Variants in FAAP20 observed in about 807,000 individuals in gnomAD.
The protein encoded by FAAP20 is Fanconi anemia core complex-associated protein 20.
In FAAP20, 12 loss-of-function variants were observed where a neutral mutation model predicts 16.2. The observed-to-expected ratio is 0.74, with a 90% confidence interval of 0.48 to 1.20. The LOEUF (loss-of-function observed/expected upper bound fraction) is 1.20. Ranked by LOEUF, FAAP20 falls within the 50% of genes most tolerant of loss-of-function variation. The pLI is 0.00. For synonymous variants in FAAP20, 141 were observed against 110.7 expected (o/e 1.27, Z -1.72); for missense variants, 288 against 245.8 (o/e 1.17, Z -1.15).
chr1:2,203,371 G>A (rs1243819178), upstream of FAAP20: 6 of 974,528 alleles, frequency 6.2e-6, no homozygotes, highest in Non-Finnish European at 6.1e-6. Context: ...CGCAGTCAGG[G>A]CCCACCCATG....
downstream of FAAP20, chr1:2,207,779 T>G (rs543347847): frequency 4.0e-3 from 604 of 152,570 alleles, 4 homozygotes; most frequent in Non-Finnish European, 6.3e-3. Context: ...GAGAGCTCTG[T>G]CCCGGCTCCA....
upstream of FAAP20, among the ~76,000 whole-genome samples, chr1:2,195,397 G>GCTGTGCC (rs1002059447): frequency 2.6e-5 from 4 of 152,204 alleles, no homozygotes; most frequent in African/African-American, 9.6e-5. Flanking sequence ...GCCACACTTG[G>GCTGTGCC]CTGTGCCCAG....
At chr1:2,185,760 T>G (rs1025448561), downstream of FAAP20, among the ~76,000 whole-genome samples, 1 of 152,168 alleles carries the variant, frequency 6.6e-6, no homozygotes, top group Non-Finnish European at 1.5e-5. Context: ...TCTGCACAAA[T>G]CATTTCTGAC....
At chr1:2,209,591 G>A (rs1290430640), downstream of FAAP20, among the ~76,000 whole-genome samples, 1 of 152,218 alleles carries the variant, frequency 6.6e-6, no homozygotes, top group Non-Finnish European at 1.5e-5. Context: ...TGGCTGACCA[G>A]AGCTCAGGCC....
downstream of FAAP20, among the ~76,000 whole-genome samples, chr1:2,189,011 G>GAAAAAAAAA (rs71578368): frequency 5.7e-5 from 6 of 105,848 alleles, no homozygotes; most frequent in Non-Finnish European, 9.8e-5. Flanking sequence ...TCTCAAAAAA[G>GAAAAAAAAA]AAAAAAAAAA....
downstream of FAAP20, chr1:2,186,120 G>A (rs552526038): frequency 1.8e-3 from 793 of 450,718 alleles, 2 homozygotes; most frequent in Non-Finnish European, 2.8e-3. Flanking sequence ...AGGGGGTCGC[G>A]CCACCTCATG....
At chr1:2,184,555 C>G (rs1385391304), downstream of FAAP20, 4 of 1,585,876 alleles carry the variant, frequency 2.5e-6, no homozygotes, top group Non-Finnish European at 3.5e-6. Context: ...CCGCGCGGAG[C>G]TGACCCTTCT....
downstream of FAAP20, chr1:2,185,112 A>G: frequency 3.5e-6 from 4 of 1,155,968 alleles, no homozygotes; most frequent in Non-Finnish European, 5.0e-6. Context: ...GAGGGCGGCC[A>G]GGGACAGACG....
upstream of FAAP20, chr1:2,199,482 A>G (rs1313211865): frequency 6.0e-6 from 6 of 993,784 alleles, no homozygotes; most frequent in Non-Finnish European, 7.2e-6. The surrounding 1 kb of genome is among the most constrained non-coding windows in gnomAD (Gnocchi z 4.5). Context: ...TGATTGGTCT[A>G]CCCAGGAGGG....
downstream of FAAP20, among the ~76,000 whole-genome samples, chr1:2,208,563 G>A (rs1168103376): frequency 6.6e-6 from 1 of 152,194 alleles, no homozygotes; most frequent in Non-Finnish European, 1.5e-5. Context: ...TGCAGCATCT[G>A]TGGGGCAGCT....
upstream of FAAP20, chr1:2,199,748 T>C: frequency 1.6e-6 from 1 of 607,316 alleles, no homozygotes; most frequent in Non-Finnish European, 2.1e-6. The surrounding 1 kb of genome is among the most constrained non-coding windows in gnomAD (Gnocchi z 4.5). Flanking sequence ...GGGTTAGGGT[T>C]GGCCCTGAAT....
downstream of FAAP20, chr1:2,187,157 C>T: frequency 2.1e-6 from 1 of 471,188 alleles, no homozygotes; most frequent in South Asian, 1.6e-5. Flanking sequence ...GTGGATGACA[C>T]TCACCCTTGA....
downstream of FAAP20, chr1:2,186,122 C>T: frequency 2.2e-6 from 1 of 451,276 alleles, no homozygotes; most frequent in Non-Finnish European, 4.5e-6. Context: ...GGGGTCGCGC[C>T]ACCTCATGCC....
chr1:2,193,855 A>C lies in FAAP20; in HGVS notation c.254T>G (p.Phe85Cys), dbSNP rs761815273. The C allele has an allele frequency of 6.2e-7, 1 of 1,612,266 alleles. No homozygotes were observed. Among genetic ancestry groups the C allele is most frequent in the South Asian group, 1.1e-5 (1 of 91,078 alleles). The part of the protein sequence containing the change: ...TEVFTVGPKT[F>C]SWTPFPPDLW... ...GTCCGGCGGAAAGGGTGTCCAGGAA[A>C]AGGTCTTGGGTCCGACAGTGAAGAC... Residue 85 changes from phenylalanine to cysteine, a missense_variant, in exon 3 of 4, where the codon TTT becomes TGT. Phe to Cys is a radical substitution (Grantham distance 205). Coordinates refer to ENST00000378546, the MANE Select transcript of FAAP20 (RefSeq NM_182533.4).
chr1:2,211,263 CTT>C (rs2100770800), downstream of FAAP20, among the ~76,000 whole-genome samples: 1 of 116,244 alleles, frequency 8.6e-6, no homozygotes, highest in African/African-American at 3.4e-5. Context: ...GAGTTTCGCT[CTT>C]GTTGCCCTGG....
downstream of FAAP20, among the ~76,000 whole-genome samples, chr1:2,207,933 T>C (rs866064036): frequency 1.4e-3 from 209 of 151,696 alleles, no homozygotes; most frequent in African/African-American, 4.6e-3. Flanking sequence ...TGTGTGTGTG[T>C]GTGTGTGTGT....
At chr1:2,197,930 C>A, upstream of FAAP20, 1 of 1,234,926 alleles carries the variant, frequency 8.1e-7, no homozygotes. Context: ...AGCTGCCTGC[C>A]AGCCGAGGGC....
At chr1:2,208,881 C>T (rs535842169), downstream of FAAP20, among the ~76,000 whole-genome samples, 12 of 152,318 alleles carry the variant, frequency 7.9e-5, no homozygotes, top group East Asian at 3.9e-4. Context: ...GAATCGATTC[C>T]GCTTATTGGG....
intron 3 of FAAP20, chr1:2,192,588 G>A (rs903379632): frequency 8.4e-6 from 9 of 1,077,640 alleles, no homozygotes; most frequent in Middle Eastern, 4.5e-4. Context: ...TCAGCCAAGA[G>A]CATGGATTTC....
Sources: allele counts gnomAD v4.1 joint callset (sites outside exome capture counted in the v4.1 genomes callset), GRCh38; gene constraint gnomAD v4.1.1; non-coding constraint Gnocchi (gnomAD v3.1); transcripts MANE v1.5; gene names NCBI Gene and HGNC (gene_info 2026-07-23, HGNC 2026-07-21).